KCNQ5: variants seen among roughly 807,000 people sequenced by gnomAD.
KCNQ5 encodes the protein potassium voltage-gated channel subfamily Q member 5.
In KCNQ5, 30 loss-of-function variants were observed where a neutral mutation model predicts 98.2. That is an observed-to-expected ratio of 0.31 (90% confidence interval 0.23 to 0.41). The LOEUF (loss-of-function observed/expected upper bound fraction) is 0.41, where lower values mean the gene tolerates loss of function less well. Ranked by LOEUF, KCNQ5 falls within the 10% of genes least tolerant of loss-of-function variation. KCNQ5 has a pLI of 1.00. For synonymous variants in KCNQ5, 458 were observed against 449.4 expected (o/e 1.02, Z -0.24); for missense variants, 835 against 1,182.5 (o/e 0.71, Z 4.31).
At chr6:73,056,623 G>A (rs1163163115) in intron 3 of KCNQ5, among the ~76,000 whole-genome samples, 2 of 152,062 alleles carry the variant, frequency 1.3e-5, no homozygotes, top group Non-Finnish European at 2.9e-5. Flanking sequence ...ATGCCTCTTG[G>A]TCCTCTCCAA....
At chr6:73,051,637 T>G (rs1324055945) in intron 3 of KCNQ5, among the ~76,000 whole-genome samples, 1 of 146,314 alleles carries the variant, frequency 6.8e-6, no homozygotes, top group Non-Finnish European at 1.5e-5. Context: ...CTTCCAGAAA[T>G]GAAGCCAGTC....
chr6:73,138,088 C>A (rs550027383), intron 10 of KCNQ5, among the ~76,000 whole-genome samples: 2 of 152,298 alleles, frequency 1.3e-5, no homozygotes, highest in East Asian at 3.9e-4. Flanking sequence ...TTTCAATGAC[C>A]GTTCTCTGTT....
At chr6:73,006,371 A>C (rs938050510) in intron 2 of KCNQ5, among the ~76,000 whole-genome samples, 1 of 139,036 alleles carries the variant, frequency 7.2e-6, no homozygotes, top group African/African-American at 3.4e-5. Context: ...TGCTTGCAAG[A>C]CCAGGCACAG....
intron 1 of KCNQ5, among the ~76,000 whole-genome samples, chr6:72,982,372 C>G (rs947237667): frequency 5.9e-5 from 9 of 151,982 alleles, no homozygotes; most frequent in African/African-American, 2.2e-4. Context: ...GGACAGTTAG[C>G]TCTTCTTGTT....
At chr6:72,654,738 G>C (rs189437931) in intron 1 of KCNQ5, among the ~76,000 whole-genome samples, 3 of 152,028 alleles carry the variant, frequency 2.0e-5, no homozygotes, top group African/African-American at 7.2e-5. Flanking sequence ...AGAAAATGAA[G>C]ATAAAGATAG....
At chr6:72,748,833 G>A (rs567720596) in intron 1 of KCNQ5, among the ~76,000 whole-genome samples, 4 of 152,278 alleles carry the variant, frequency 2.6e-5, no homozygotes, top group Non-Finnish European at 5.9e-5. Context: ...CCCAAGTATT[G>A]CATTTAGGCA....
intron 1 of KCNQ5, among the ~76,000 whole-genome samples, chr6:72,973,093 A>G (rs1470608103): frequency 2.6e-5 from 4 of 152,242 alleles, no homozygotes; most frequent in Non-Finnish European, 5.9e-5. Context: ...GGAAAACCAT[A>G]GCCACATTCA....
intron 8 of KCNQ5, 92 bp from the exon 9 acceptor site, chr6:73,124,394 G>A (rs1383225235): frequency 2.7e-6 from 3 of 1,125,652 alleles, no homozygotes; most frequent in Non-Finnish European, 4.0e-6. Flanking sequence ...TAAGGTATTT[G>A]ATTCCCCAAT....
intron 1 of KCNQ5, among the ~76,000 whole-genome samples, chr6:72,727,862 G>A (rs957075433): frequency 1.3e-5 from 2 of 152,088 alleles, no homozygotes; most frequent in African/African-American, 4.8e-5. Context: ...GCTCTGTAAG[G>A]CAGAGTCTTC....
intron 5 of KCNQ5, among the ~76,000 whole-genome samples, chr6:73,103,684 T>C (rs9442887): frequency 0.73 from 111,606 of 151,848 alleles, 45,860 homozygotes; most frequent in South Asian, 0.94. Flanking sequence ...AGTAGAATGA[T>C]GGGTACCAGA....
chr6:72,966,970 T>G (rs1767651339), intron 1 of KCNQ5, among the ~76,000 whole-genome samples: 1 of 152,194 alleles, frequency 6.6e-6, no homozygotes, highest in South Asian at 2.1e-4. Flanking sequence ...AAATATATCT[T>G]ACAGAAGTCA....
At chr6:72,754,011 T>A (rs1771826177) in intron 1 of KCNQ5, among the ~76,000 whole-genome samples, 1 of 152,136 alleles carries the variant, frequency 6.6e-6, no homozygotes, top group South Asian at 2.1e-4. Flanking sequence ...ATATGTATAA[T>A]TTTGATTTCT....
chr6:73,078,289 G>C (rs1178568818), intron 5 of KCNQ5, among the ~76,000 whole-genome samples: 1 of 152,000 alleles, frequency 6.6e-6, no homozygotes, highest in Non-Finnish European at 1.5e-5. Flanking sequence ...ATGAATGGAA[G>C]CTGTGAATAA....
intron 1 of KCNQ5, among the ~76,000 whole-genome samples, chr6:72,801,839 C>T (rs891068554): frequency 6.6e-6 from 1 of 151,006 alleles, no homozygotes; most frequent in Non-Finnish European, 1.5e-5. Flanking sequence ...CAAAATCTCT[C>T]AGCATTTGCT....
Position 72,976,532 on chromosome 6 carries a change from C to A in KCNQ5, c.399-27376C>A, listed in dbSNP as rs950365661. On this transcript the variant is annotated intron_variant, in intron 1 of 13. Transcript: ENST00000370398. Reference sequence around the variant, plus strand: ...TGGATTTTACAATGTCTCTTCCTCACCCTTACAAATAACTTTTATTCATTC... The same window carrying A: ...TGGATTTTACAATGTCTCTTCCTCAACCTTACAAATAACTTTTATTCATTC... Among the ~76,000 whole-genome samples the A allele has an allele frequency of 5.3e-5, 8 of 152,274 alleles. No individual in the cohort carries two copies. The South Asian group carries it at 1.5e-3, about 28-fold the overall frequency.
At chr6:73,012,237 C>T (rs995086724) in intron 2 of KCNQ5, among the ~76,000 whole-genome samples, 2 of 151,816 alleles carry the variant, frequency 1.3e-5, no homozygotes, top group African/African-American at 2.4e-5. Flanking sequence ...GACAAGTGAA[C>T]GGATAAGCAA....
intron 11 of KCNQ5, among the ~76,000 whole-genome samples, chr6:73,173,601 A>T (rs1778095125): frequency 1.3e-5 from 2 of 152,206 alleles, no homozygotes; most frequent in African/African-American, 4.8e-5. Context: ...CATTACATAT[A>T]TATACATGAA....
Position 72,747,478 on chromosome 6 carries a change from C to G in KCNQ5, c.398+124891C>G, listed in dbSNP as rs182656694. Among the ~76,000 whole-genome samples, 849 of 152,228 alleles carry G rather than the reference C, an allele frequency of 5.6e-3. 2 individuals carry two copies. Among genetic ancestry groups the G allele is most frequent in the Non-Finnish European group, 9.4e-3 (640 of 67,986 alleles). ...ACAAAATCGGATAAAAATTTCTCTG[C>G]TAGTTTTAGTACCTTCTGTTTCATG... On this transcript the variant is annotated intron_variant, in intron 1 of 13. Transcript: ENST00000370398.
At chr6:72,997,751 C>G (rs2150316771) in intron 1 of KCNQ5, among the ~76,000 whole-genome samples, 1 of 132,888 alleles carries the variant, frequency 7.5e-6, no homozygotes, top group Non-Finnish European at 1.5e-5. Flanking sequence ...TCACTGCACT[C>G]CAGCCTGGGT....
Sources: gnomAD v4.1 joint callset for allele counts (sites outside exome capture counted in the v4.1 genomes callset) on GRCh38, gnomAD v4.1.1 for gene constraint, MANE v1.5 for transcripts, NCBI Gene and HGNC (gene_info 2026-07-23, HGNC 2026-07-21) for gene names.